Variants in YEATS2 observed in about 807,000 individuals in gnomAD.
YEATS2 encodes the protein YEATS domain containing 2, also known as YEATS domain-containing protein 2.
A neutral mutation model predicts 163.2 loss-of-function variants in YEATS2; 77 were observed. The observed-to-expected ratio is 0.47, with a 90% CI of 0.39 to 0.57. The LOEUF (loss-of-function observed/expected upper bound fraction) is 0.57. Ranked by LOEUF, YEATS2 falls within the 20% of genes least tolerant of loss-of-function variation. YEATS2 has a pLI of 0.00. For synonymous variants in YEATS2, 631 were observed against 645.1 expected, an observed-to-expected ratio of 0.98 and a Z score of 0.33; for missense variants, 1,549 against 1,729.8, an observed-to-expected ratio of 0.90 and a Z score of 1.85.
intron 20 of YEATS2, among the ~76,000 whole-genome samples, chr3:183,790,353 T>G (rs1249649847): frequency 6.6e-6 from 1 of 152,188 alleles, no homozygotes; most frequent in Non-Finnish European, 1.5e-5. Context: ...ACTTAACCAT[T>G]ATGCCGGCCA....
At chr3:183,701,076 T>C (rs1335072103) in intron 1 of YEATS2, among the ~76,000 whole-genome samples, 2 of 151,106 alleles carry the variant, frequency 1.3e-5, no homozygotes, top group East Asian at 3.9e-4. Flanking sequence ...TGTGTGTATA[T>C]ATATATAAAT....
chr3:183,725,914 C>T (rs1443937512), intron 6 of YEATS2, among the ~76,000 whole-genome samples: 1 of 152,130 alleles, frequency 6.6e-6, no homozygotes, highest in African/African-American at 2.4e-5. Context: ...CAAAATCTTA[C>T]TTCAGGTCTT....
chr3:183,701,393 T>C (rs1714075762), intron 1 of YEATS2, among the ~76,000 whole-genome samples: 1 of 147,940 alleles, frequency 6.8e-6, no homozygotes, highest in South Asian at 2.1e-4. Context: ...CCGGTCAATA[T>C]ATATATTTTT....
intron 18 of YEATS2, 91 bp downstream of exon 18, chr3:183,776,214 C>G (rs1451176195): frequency 1.7e-5 from 22 of 1,301,090 alleles, no homozygotes; most frequent in Non-Finnish European, 2.2e-5. Flanking sequence ...GCTCTGGGAT[C>G]AGGGTTCAAT....
intron 8 of YEATS2, among the ~76,000 whole-genome samples, chr3:183,742,767 A>G (rs1186711378): frequency 6.6e-6 from 1 of 152,234 alleles, no homozygotes; most frequent in Non-Finnish European, 1.5e-5. Context: ...AACACTGTCA[A>G]ACAGCATTGA....
intron 6 of YEATS2, among the ~76,000 whole-genome samples, chr3:183,728,414 C>CTG (rs1425544457): frequency 6.6e-6 from 1 of 152,228 alleles, no homozygotes; most frequent in Non-Finnish European, 1.5e-5. Flanking sequence ...AGGCTGATCT[C>CTG]TAACTCCTGA....
chr3:183,726,893 C>T (rs1717162011), intron 6 of YEATS2, among the ~76,000 whole-genome samples: 1 of 152,148 alleles, frequency 6.6e-6, no homozygotes, highest in Admixed American at 6.6e-5. Context: ...CCTCCACCTC[C>T]AGGGTTCAAG....
chr3:183,767,598 G>T (rs1260800541), intron 15 of YEATS2, among the ~76,000 whole-genome samples: 1 of 152,072 alleles, frequency 6.6e-6, no homozygotes, highest in East Asian at 1.9e-4. Flanking sequence ...GGCCACACTG[G>T]TCTCAAACTT....
At chr3:183,783,126 AG>A (rs1723737826) in intron 19 of YEATS2, among the ~76,000 whole-genome samples, 1 of 152,234 alleles carries the variant, frequency 6.6e-6, no homozygotes, top group Admixed American at 6.5e-5. Context: ...TAACTTTTTC[AG>A]ATAGTGCTAG....
intron 20 of YEATS2, 87 bp from the exon 21 acceptor site, chr3:183,790,710 T>C: frequency 7.2e-7 from 1 of 1,390,688 alleles, no homozygotes; most frequent in Admixed American, 1.9e-5. Context: ...TGATATTTAG[T>C]GTGTGTGCTG....
Position 183,736,835 on chromosome 3 carries a change from G to A in YEATS2, c.924+6G>A, listed in dbSNP as rs760486864. ...ATATCATACATAATCTGAAGGTATT[G>A]TAACAAAACATTGCTCCCTAGTTTT... On this transcript the variant is annotated splice_donor_region_variant and intron_variant, in intron 8 of 30. Transcript: ENST00000305135. 6 of 1,606,648 alleles carry A rather than the reference G, an allele frequency of 3.7e-6. No homozygotes were observed. The Admixed American group carries it at 5.1e-5, about 14-fold the overall frequency.
intron 16 of YEATS2, among the ~76,000 whole-genome samples, chr3:183,773,041 G>A (rs541823352): frequency 1.3e-5 from 2 of 152,262 alleles, no homozygotes; most frequent in South Asian, 2.1e-4. Flanking sequence ...GTTACACTGT[G>A]TTGTTTAAGG....
chr3:183,770,253 T>TGGCG (rs1722320628), intron 15 of YEATS2, among the ~76,000 whole-genome samples: 1 of 151,662 alleles, frequency 6.6e-6, no homozygotes, highest in Non-Finnish European at 1.5e-5. Context: ...CTGGGCGTGG[T>TGGCG]GGCGCCTGTA....
intron 1 of YEATS2, among the ~76,000 whole-genome samples, chr3:183,709,449 C>G (rs1714956579): frequency 6.7e-6 from 1 of 150,164 alleles, no homozygotes; most frequent in Non-Finnish European, 1.5e-5. Flanking sequence ...ATTCTCGTGC[C>G]TCAGCCTCCC....
At chr3:183,740,751 T>C (rs1194301224) in intron 8 of YEATS2, among the ~76,000 whole-genome samples, 1 of 152,170 alleles carries the variant, frequency 6.6e-6, no homozygotes, top group Non-Finnish European at 1.5e-5. Context: ...CAGCAAGTTA[T>C]CCAGAAGATC....
At chr3:183,797,697 C>T (rs1349229120) in intron 21 of YEATS2, among the ~76,000 whole-genome samples, 2 of 152,204 alleles carry the variant, frequency 1.3e-5, no homozygotes, top group African/African-American at 4.8e-5. Flanking sequence ...GCCTGGGCGA[C>T]AGAGCGAGAC....
At chr3:183,730,120 A>G (rs1288724824) in intron 7 of YEATS2, among the ~76,000 whole-genome samples, 1 of 108,978 alleles carries the variant, frequency 9.2e-6, no homozygotes, top group Non-Finnish European at 1.7e-5. Context: ...GCTGGAGTGC[A>G]GTGGCACGAT....
At chr3:183,724,230 C>G (rs759562768) in intron 5 of YEATS2, among the ~76,000 whole-genome samples, 189 bp from the exon 6 acceptor site, 1 of 152,094 alleles carries the variant, frequency 6.6e-6, no homozygotes. Context: ...AGTATATAAA[C>G]TTTGTATAAA....
intron 8 of YEATS2, among the ~76,000 whole-genome samples, chr3:183,738,899 G>A (rs536439147): frequency 2.6e-4 from 38 of 145,002 alleles, no homozygotes; most frequent in African/African-American, 9.9e-4. Flanking sequence ...ATGATTTATA[G>A]TCCTTTGGGT....
Sources: allele counts gnomAD v4.1 joint callset (sites outside exome capture counted in the v4.1 genomes callset), GRCh38; gene constraint gnomAD v4.1.1; transcripts MANE v1.5; gene names NCBI Gene and HGNC (gene_info 2026-07-23, HGNC 2026-07-21).